The following CCSER2 variants were observed in gnomAD, a reference collection of about 807,000 sequenced individuals.
CCSER2 encodes the protein coiled-coil serine rich protein 2.
A neutral mutation model predicts 92.3 loss-of-function variants in CCSER2; 46 were observed. The ratio of observed to expected loss-of-function variants is 0.50; its 90% confidence interval spans 0.39 to 0.64. CCSER2 has a LOEUF of 0.64. Among genes scored for constraint, CCSER2 ranks in the 30% least tolerant of loss-of-function variants. The probability of loss-of-function intolerance (pLI) is 0.00; values close to 1 mark genes in which losing one functional copy is unlikely to be tolerated. For synonymous variants in CCSER2, 433 were observed against 431.4 expected, an observed-to-expected ratio of 1.00 and a Z score of -0.04; for missense variants, 1,244 against 1,238.9, an observed-to-expected ratio of 1.00 and a Z score of -0.06.
intron 8 of CCSER2, among the ~76,000 whole-genome samples, chr10:84,474,168 C>A (rs1289769824): frequency 6.6e-6 from 1 of 152,102 alleles, no homozygotes; most frequent in African/African-American, 2.4e-5. Context: ...TCAGAATAAT[C>A]TTGGGAAATT....
At chr10:84,444,647 T>C (rs2133550962) in intron 6 of CCSER2, among the ~76,000 whole-genome samples, 1 of 152,250 alleles carries the variant, frequency 6.6e-6, no homozygotes, top group East Asian at 1.9e-4. Flanking sequence ...GAAGGAAACA[T>C]ACAACACTAA....
chr10:84,361,938 C>A (rs1344742134), intron 1 of CCSER2, among the ~76,000 whole-genome samples: 2 of 152,144 alleles, frequency 1.3e-5, no homozygotes, highest in Non-Finnish European at 2.9e-5. Context: ...CCGTGCCTGG[C>A]CTCACTAACA....
intron 9 of CCSER2, among the ~76,000 whole-genome samples, chr10:84,503,623 T>G (rs966504027): frequency 5.9e-5 from 9 of 152,234 alleles, no homozygotes; most frequent in Non-Finnish European, 8.8e-5. Context: ...CTTACAGGAA[T>G]ACTTGACTTT....
intron 3 of CCSER2, among the ~76,000 whole-genome samples, chr10:84,405,030 GT>G (rs1842309861): frequency 6.6e-6 from 1 of 152,144 alleles, no homozygotes. Flanking sequence ...AATATGTTTT[GT>G]TGGAAAAAGC....
At chr10:84,387,669 CA>C (rs1841295405) in intron 3 of CCSER2, among the ~76,000 whole-genome samples, 1 of 152,002 alleles carries the variant, frequency 6.6e-6, no homozygotes, top group Non-Finnish European at 1.5e-5. Context: ...GCTGGAACTC[CA>C]GGCGTCCGCC....
chr10:84,480,940 C>T (rs1018325223), intron 9 of CCSER2, among the ~76,000 whole-genome samples: 5 of 152,176 alleles, frequency 3.3e-5, no homozygotes, highest in African/African-American at 1.2e-4. Context: ...TACCTTTAAT[C>T]AAGTTAAGGA....
intron 8 of CCSER2, among the ~76,000 whole-genome samples, chr10:84,471,824 A>T (rs993059053): frequency 6.6e-6 from 1 of 152,088 alleles, no homozygotes; most frequent in Admixed American, 6.6e-5. Flanking sequence ...AATTATTTTT[A>T]ATTTTAAAAT....
chr10:84,395,093 A>C (rs181569291), intron 3 of CCSER2, among the ~76,000 whole-genome samples: 1 of 152,038 alleles, frequency 6.6e-6, no homozygotes, highest in Non-Finnish European at 1.5e-5. Context: ...GCATGGTGGC[A>C]TATGCCTGTG....
chr10:84,382,238 C>A (rs925702124), intron 3 of CCSER2, among the ~76,000 whole-genome samples: 3 of 152,162 alleles, frequency 2.0e-5, no homozygotes, highest in African/African-American at 7.2e-5. Flanking sequence ...TTCTTTACTT[C>A]ATGATAGCAT....
At chr10:84,363,687 G>A (rs113163471) in intron 1 of CCSER2, among the ~76,000 whole-genome samples, 3 of 152,308 alleles carry the variant, frequency 2.0e-5, no homozygotes, top group African/African-American at 7.2e-5. Flanking sequence ...CTGTTCTTCT[G>A]CTAAATTTCT....
At chr10:84,412,532 G>GT (rs781176231) in intron 3 of CCSER2, among the ~76,000 whole-genome samples, 1 of 151,896 alleles carries the variant, frequency 6.6e-6, no homozygotes, top group African/African-American at 2.4e-5. Flanking sequence ...TGGGAGGGTT[G>GT]TTGGGGTGAT....
At chr10:84,420,044 C>T (rs1449004102) in intron 4 of CCSER2, among the ~76,000 whole-genome samples, 3 of 152,116 alleles carry the variant, frequency 2.0e-5, no homozygotes, top group South Asian at 2.1e-4. Flanking sequence ...TTTACTTCCT[C>T]GGAATAAATC....
chr10:84,470,832 T>C lies in CCSER2; in HGVS notation c.2235+374T>C, dbSNP rs555032522. 5.3e-5 allele frequency among the ~76,000 whole-genome samples: 8 copies of C among 152,154 alleles called. No individual in the cohort carries two copies. In the South Asian group the frequency reaches 1.7e-3, roughly 32 times the overall value. On this transcript the variant is annotated intron_variant, in intron 8 of 9. Transcript: ENST00000372088. ...CTGTGAGCAGAATTAGCCTGGGTATTCAGATTTAGGTAGCTGCATCACTAT... is the reference window on the plus strand; with the variant it reads ...CTGTGAGCAGAATTAGCCTGGGTATCCAGATTTAGGTAGCTGCATCACTAT...
intron 3 of CCSER2, among the ~76,000 whole-genome samples, chr10:84,383,352 C>G (rs1272445940): frequency 6.6e-6 from 1 of 152,044 alleles, no homozygotes; most frequent in Non-Finnish European, 1.5e-5. Flanking sequence ...CCTCTGTCTC[C>G]CAGGCTGGAG....
intron 4 of CCSER2, among the ~76,000 whole-genome samples, chr10:84,418,166 G>T (rs150354951): frequency 6.6e-6 from 1 of 151,788 alleles, no homozygotes; most frequent in Non-Finnish European, 1.5e-5. Flanking sequence ...ATCTCATTTT[G>T]ATTTTAGGAA....
chr10:84,410,094 A>G (rs7923143), intron 3 of CCSER2, among the ~76,000 whole-genome samples: 31,943 of 152,074 alleles, frequency 0.21, 3,605 homozygotes, highest in Admixed American at 0.34. Context: ...ACATGATCTC[A>G]TTCCATTTTG....
chr10:84,428,386 G>A (rs1367181247), intron 5 of CCSER2, among the ~76,000 whole-genome samples: 1 of 152,106 alleles, frequency 6.6e-6, no homozygotes, highest in Non-Finnish European at 1.5e-5. Context: ...CCGCTGATAC[G>A]ACAGGAGGTG....
chr10:84,333,153 TTTG>T (rs1212739461), intron 1 of CCSER2, among the ~76,000 whole-genome samples: 2 of 152,190 alleles, frequency 1.3e-5, no homozygotes, highest in Non-Finnish European at 2.9e-5. Context: ...AATTGAAATT[TTTG>T]TCTGTTCAAG....
chr10:84,417,437 G>C (rs911088860), intron 3 of CCSER2, among the ~76,000 whole-genome samples: 1 of 152,164 alleles, frequency 6.6e-6, no homozygotes. Flanking sequence ...TACCAATTAT[G>C]AATAAATTTT....
Sources: allele counts gnomAD v4.1 joint callset (sites outside exome capture counted in the v4.1 genomes callset), GRCh38; gene constraint gnomAD v4.1.1; transcripts MANE v1.5; gene names NCBI Gene and HGNC (gene_info 2026-07-23, HGNC 2026-07-21).